DDX10: variants seen among roughly 807,000 people sequenced by gnomAD.
The protein encoded by DDX10 is DEAD-box helicase 10, also known as probable ATP-dependent RNA helicase DDX10.
DDX10 carries 74 observed loss-of-function variants against 104.3 expected under a neutral mutation model. The ratio of observed to expected loss-of-function variants is 0.71; its 90% CI spans 0.59 to 0.86. The LOEUF (loss-of-function observed/expected upper bound fraction) is 0.86, where lower values mean the gene tolerates loss of function less well. Ranked by LOEUF, DDX10 falls within the 40% of genes least tolerant of loss-of-function variation. DDX10 has a pLI of 0.00. For synonymous variants in DDX10, 351 were observed against 353.4 expected, an observed-to-expected ratio of 0.99 and a Z score of 0.08; for missense variants, 952 against 1,040.0, an observed-to-expected ratio of 0.92 and a Z score of 1.16.
At chr11:108,805,571 G>A (rs1051550571) in intron 13 of DDX10, among the ~76,000 whole-genome samples, 15 of 152,074 alleles carry the variant, frequency 9.9e-5, no homozygotes, top group Non-Finnish European at 1.6e-4. Flanking sequence ...TATTTCCATT[G>A]AACATTTTCA....
At chr11:108,787,856 G>A (rs1333973898) in intron 13 of DDX10, among the ~76,000 whole-genome samples, 2 of 152,144 alleles carry the variant, frequency 1.3e-5, no homozygotes, top group African/African-American at 4.8e-5. Flanking sequence ...CTTGAACCTG[G>A]GAGGTGGAGG....
chr11:108,915,791 T>G (rs986181652), intron 16 of DDX10, among the ~76,000 whole-genome samples: 5 of 152,094 alleles, frequency 3.3e-5, no homozygotes, highest in South Asian at 4.1e-4. Flanking sequence ...CTGAAAAGGT[T>G]CTATTACTCT....
intron 16 of DDX10, among the ~76,000 whole-genome samples, chr11:108,879,971 A>G (rs1264129182): frequency 6.6e-6 from 1 of 152,182 alleles, no homozygotes; most frequent in Non-Finnish European, 1.5e-5. Flanking sequence ...ACTAAAGGCA[A>G]TTTCCTAACT....
chr11:108,722,628 A>G (rs2094299654), intron 12 of DDX10, among the ~76,000 whole-genome samples: 1 of 152,176 alleles, frequency 6.6e-6, no homozygotes, highest in African/African-American at 2.4e-5. Context: ...CCTTACAGCA[A>G]CTGTGAGTTA....
At chr11:108,928,062 T>C (rs2134673117) in intron 17 of DDX10, among the ~76,000 whole-genome samples, 1 of 152,328 alleles carries the variant, frequency 6.6e-6, no homozygotes, top group Non-Finnish European at 1.5e-5. Flanking sequence ...ACACATCATT[T>C]AAAGTATGCT....
chr11:108,788,066 T>G (rs1373666212), intron 13 of DDX10, among the ~76,000 whole-genome samples: 5 of 152,230 alleles, frequency 3.3e-5, no homozygotes, highest in African/African-American at 1.2e-4. Context: ...TTGGATTGGG[T>G]TTCAACTTTC....
At position 108,796,390 on chromosome 11, in the gene DDX10, C is replaced by T. The variant is rs1459027294; in HGVS notation, c.1966-42056C>T. On this transcript the variant is annotated intron_variant, in intron 13 of 17. Coordinates refer to ENST00000322536, the MANE Select transcript of DDX10 (RefSeq NM_004398.4). Reference sequence around the variant, plus strand: ...TCCAGCAAACATATGCTTTTGGGGACAGATTTATTATTTTTCTTCCACTGA... The same window carrying T: ...TCCAGCAAACATATGCTTTTGGGGATAGATTTATTATTTTTCTTCCACTGA... Among the ~76,000 whole-genome samples, 3 of 152,164 alleles carry T rather than the reference C, an allele frequency of 2.0e-5. No individual in the cohort carries two copies. The East Asian group carries it at 5.8e-4, about 29-fold the overall frequency.
At chr11:108,683,869 GT>G (rs1225203251) in intron 6 of DDX10, among the ~76,000 whole-genome samples, 1 of 152,108 alleles carries the variant, frequency 6.6e-6, no homozygotes, top group Non-Finnish European at 1.5e-5. Flanking sequence ...AGCAGTATTT[GT>G]TTTTGGTGGG....
At chr11:108,757,974 A>C (rs1311993648) in intron 13 of DDX10, among the ~76,000 whole-genome samples, 1 of 152,046 alleles carries the variant, frequency 6.6e-6, no homozygotes, top group African/African-American at 2.4e-5. Context: ...TTTGACTGTC[A>C]GACTTCCCTG....
At chr11:108,800,931 G>A (rs1182785207) in intron 13 of DDX10, among the ~76,000 whole-genome samples, 2 of 152,158 alleles carry the variant, frequency 1.3e-5, no homozygotes, top group African/African-American at 2.4e-5. Flanking sequence ...AGATGGAAAT[G>A]CATATTGGTT....
intron 16 of DDX10, among the ~76,000 whole-genome samples, chr11:108,895,093 T>C (rs1056402728): frequency 3.3e-5 from 5 of 152,044 alleles, no homozygotes; most frequent in Admixed American, 2.0e-4. Context: ...TCTGCTGTGA[T>C]TTATAGAGAC....
intron 13 of DDX10, among the ~76,000 whole-genome samples, chr11:108,824,269 G>T (rs185060195): frequency 6.6e-6 from 1 of 152,002 alleles, no homozygotes; most frequent in South Asian, 2.1e-4. Flanking sequence ...TCTCGAACTC[G>T]TGACCTCAAG....
intron 9 of DDX10, among the ~76,000 whole-genome samples, chr11:108,696,533 T>G (rs2094260132): frequency 6.6e-6 from 1 of 152,036 alleles, no homozygotes; most frequent in African/African-American, 2.4e-5. Context: ...TCAGTGGTGG[T>G]TGGTGGAATG....
At chr11:108,883,703 C>T (rs867834408) in intron 16 of DDX10, among the ~76,000 whole-genome samples, 2 of 152,124 alleles carry the variant, frequency 1.3e-5, no homozygotes, top group Non-Finnish European at 2.9e-5. Flanking sequence ...GCATGTTATA[C>T]CTCCACTTGA....
At chr11:108,759,632 A>G (rs1264612639) in intron 13 of DDX10, among the ~76,000 whole-genome samples, 2 of 152,046 alleles carry the variant, frequency 1.3e-5, no homozygotes, top group East Asian at 1.9e-4. Context: ...TTGACACTAC[A>G]TCTGTTCTAG....
chr11:108,884,578 G>A (rs1182060297), intron 16 of DDX10, among the ~76,000 whole-genome samples: 4 of 152,130 alleles, frequency 2.6e-5, no homozygotes, highest in Admixed American at 6.5e-5. Context: ...AGAAGTCACA[G>A]CACTGGATCG....
intron 13 of DDX10, among the ~76,000 whole-genome samples, chr11:108,788,577 G>C (rs145088191): frequency 0.027 from 4,065 of 152,216 alleles, 174 homozygotes; most frequent in African/African-American, 0.09. Context: ...TGGTCAGGCT[G>C]GTCTCGAACT....
At chr11:108,674,054 T>C (rs1002113804) in intron 2 of DDX10, among the ~76,000 whole-genome samples, 1 of 152,194 alleles carries the variant, frequency 6.6e-6, no homozygotes, top group Non-Finnish European at 1.5e-5. Context: ...CCAGGTGTGG[T>C]GGCTCATGCC....
chr11:108,892,317 G>A (rs1271356491), intron 16 of DDX10, among the ~76,000 whole-genome samples: 1 of 152,072 alleles, frequency 6.6e-6, no homozygotes, highest in Admixed American at 6.6e-5. Context: ...TGTAATCTCT[G>A]CACAAGCTTG....
Sources: gnomAD v4.1 joint callset for allele counts (sites outside exome capture counted in the v4.1 genomes callset) on GRCh38, gnomAD v4.1.1 for gene constraint, MANE v1.5 for transcripts, NCBI Gene and HGNC (gene_info 2026-07-23, HGNC 2026-07-21) for gene names.